Variants in MACROD2 observed in about 807,000 individuals in gnomAD.
The protein encoded by MACROD2 is ADP-ribose glycohydrolase MACROD2.
Under a neutral mutation model 70.4 loss-of-function variants are expected in MACROD2, and 36 were observed. The observed-to-expected ratio is 0.51, with a 90% CI of 0.39 to 0.68. MACROD2 has a LOEUF of 0.68. MACROD2 is among the 30% of genes least tolerant of loss of function. The pLI, the probability that MACROD2 is intolerant of heterozygous loss-of-function variation, is 0.00. For synonymous variants in MACROD2, 172 were observed against 178.8 expected (o/e 0.96, Z 0.30); for missense variants, 496 against 538.4 (o/e 0.92, Z 0.78).
At chr20:14,005,747 C>T (rs374226654) in intron 2 of MACROD2, among the ~76,000 whole-genome samples, 6 of 152,014 alleles carry the variant, frequency 3.9e-5, no homozygotes, top group East Asian at 3.9e-4. Flanking sequence ...ATTATAGATG[C>T]GTGCCACCAC....
intron 5 of MACROD2, among the ~76,000 whole-genome samples, chr20:15,201,562 CCA>C (rs1165259827): frequency 1.3e-5 from 2 of 152,154 alleles, no homozygotes; most frequent in African/African-American, 4.8e-5. Context: ...CTGCCCAAGA[CCA>C]CAGTTTGTTA....
chr20:15,547,403 A>AT (rs1351192256), intron 8 of MACROD2, among the ~76,000 whole-genome samples: 1 of 151,934 alleles, frequency 6.6e-6, no homozygotes, highest in Non-Finnish European at 1.5e-5. Flanking sequence ...TATCGCCATC[A>AT]TTTTTTCCCC....
intron 5 of MACROD2, among the ~76,000 whole-genome samples, chr20:15,109,538 C>G (rs976700534): frequency 6.6e-6 from 1 of 152,026 alleles, no homozygotes; most frequent in African/African-American, 2.4e-5. Flanking sequence ...AAGACGATTG[C>G]AAACAAAATG....
intron 10 of MACROD2, among the ~76,000 whole-genome samples, chr20:15,919,327 T>C (rs1205810860): frequency 6.6e-6 from 1 of 152,212 alleles, no homozygotes; most frequent in Non-Finnish European, 1.5e-5. Flanking sequence ...GATGTTCCTA[T>C]CTGTCTTTTG....
At chr20:15,842,751 TAGAC>T (rs71192303) in intron 8 of MACROD2, among the ~76,000 whole-genome samples, 11,164 of 145,878 alleles carry the variant, frequency 0.077, 699 homozygotes, top group African/African-American at 0.16. Context: ...GATAGAGAAA[TAGAC>T]AGACAAATCT....
intron 5 of MACROD2, 21 bp from the exon 6 acceptor site, chr20:15,229,919 T>C: frequency 1.3e-6 from 2 of 1,583,978 alleles, no homozygotes; most frequent in East Asian, 2.2e-5. Flanking sequence ...ATCCTCTTTT[T>C]CCTTCCTTTT....
At chr20:14,201,356 GT>G (rs1210806289) in intron 3 of MACROD2, among the ~76,000 whole-genome samples, 2 of 152,096 alleles carry the variant, frequency 1.3e-5, no homozygotes, top group African/African-American at 4.8e-5. Context: ...GAATTATTGT[GT>G]TTTTATCAAT....
At chr20:14,079,098 T>A (rs187031913) in intron 2 of MACROD2, among the ~76,000 whole-genome samples, 32 of 152,312 alleles carry the variant, frequency 2.1e-4, no homozygotes, top group Non-Finnish European at 3.7e-4. Flanking sequence ...ACCACAGACA[T>A]TTTAAGTCTT....
rs182909788 is a variant in MACROD2 at position 15,334,310 on chromosome 20, G to A, written c.541-97095G>A. Among the ~76,000 whole-genome samples, 588 of 127,056 alleles carry A rather than the reference G, an allele frequency of 4.6e-3. 3 individuals carry two copies. The highest frequency in any genetic ancestry group is 6.2e-3 in the Non-Finnish European group (370 of 59,548). 83.4% of individuals were successfully genotyped at this position (127,056 alleles called of 152,430 possible). A position where few individuals can be genotyped will look rare whatever the true frequency, so the allele number is the denominator to read the frequency against. ...TTTCCTCTATCATAGAGTTCCATTG[G>A]CCAATAAGAAGAGCATTTTGACTCA... On this transcript the variant is annotated intron_variant, in intron 6 of 17. Coordinates refer to ENST00000684519, the MANE Select transcript of MACROD2 (RefSeq NM_001351661.2).
chr20:14,950,372 T>C lies in MACROD2; in HGVS notation c.418+265413T>C, dbSNP rs79099332. Among the ~76,000 whole-genome samples, 1,512 of 152,238 alleles carry C rather than the reference T, an allele frequency of 9.9e-3. 16 individuals are homozygous for C. Among genetic ancestry groups the C allele is most frequent in the African/African-American group, 0.028 (1,164 of 41,544 alleles). ...TCTTCTATTGTGGGACGTGGAAGTC[T>C]TGCCTGGGTCTAAGGGAATGACCAA... On this transcript the variant is annotated intron_variant, in intron 5 of 17. Coordinates refer to ENST00000684519, the MANE Select transcript of MACROD2 (RefSeq NM_001351661.2).
At chr20:14,670,583 T>C (rs887551112) in intron 4 of MACROD2, among the ~76,000 whole-genome samples, 4 of 152,162 alleles carry the variant, frequency 2.6e-5, no homozygotes, top group Non-Finnish European at 5.9e-5. Flanking sequence ...ATCCAGAATG[T>C]CAAGGAATAT....
chr20:15,326,519 C>T (rs529332349), intron 6 of MACROD2, among the ~76,000 whole-genome samples: 2 of 152,090 alleles, frequency 1.3e-5, no homozygotes, highest in East Asian at 3.9e-4. Context: ...CCTGACAAGT[C>T]CCCATATATT....
chr20:15,015,475 G>A (rs986133003), intron 5 of MACROD2, among the ~76,000 whole-genome samples: 22 of 138,602 alleles, frequency 1.6e-4, no homozygotes, highest in African/African-American at 5.3e-4. Context: ...AACTATGTGT[G>A]TTTTTTTTTT....
chr20:14,863,011 T>C (rs2073389014), intron 5 of MACROD2, among the ~76,000 whole-genome samples: 1 of 151,884 alleles, frequency 6.6e-6, no homozygotes, highest in East Asian at 1.9e-4. Context: ...AGGTTCACCT[T>C]GCATGAAGCC....
At chr20:15,681,632 T>C (rs2050161202) in intron 8 of MACROD2, among the ~76,000 whole-genome samples, 1 of 152,202 alleles carries the variant, frequency 6.6e-6, no homozygotes, top group Admixed American at 6.5e-5. Flanking sequence ...GCTGGGGAGA[T>C]AGAATGGCCA....
chr20:14,585,707 C>T (rs971581273), intron 4 of MACROD2, among the ~76,000 whole-genome samples: 1 of 151,910 alleles, frequency 6.6e-6, no homozygotes, highest in African/African-American at 2.4e-5. Context: ...TGTTCCTATA[C>T]CAAAGATGGA....
In MACROD2 at chr20:14,548,958, G is replaced by A. The variant is rs147873195; in HGVS notation, c.301+55450G>A. Among the ~76,000 whole-genome samples the A allele has an allele frequency of 1.3e-3, 201 of 152,276 alleles. 1 individual carries two copies. The highest frequency in any genetic ancestry group is 4.5e-3 in the African/African-American group (186 of 41,556). On this transcript the variant is annotated intron_variant, in intron 4 of 17. Transcript: ENST00000684519. ...GAGCTATCCCACCTGAAGGGTGAGA[G>A]CACTGGAGGACATGAATTTCCCAGA...
At chr20:14,931,669 A>G (rs2074296679) in intron 5 of MACROD2, among the ~76,000 whole-genome samples, 1 of 152,136 alleles carries the variant, frequency 6.6e-6, no homozygotes, top group Non-Finnish European at 1.5e-5. Flanking sequence ...ACATAGCTTT[A>G]AATTACTTCT....
intron 4 of MACROD2, among the ~76,000 whole-genome samples, chr20:14,576,722 G>A (rs1980624642): frequency 1.2e-5 from 1 of 85,466 alleles, no homozygotes; most frequent in South Asian, 6.1e-4. Flanking sequence ...GAGTGCAGAG[G>A]CCACCCCCTT....
Sources: allele counts gnomAD v4.1 joint callset (sites outside exome capture counted in the v4.1 genomes callset), GRCh38; gene constraint gnomAD v4.1.1; transcripts MANE v1.5; gene names NCBI Gene and HGNC (gene_info 2026-07-23, HGNC 2026-07-21).